PRUNE2: variants seen among roughly 807,000 people sequenced by gnomAD.
PRUNE2 encodes prune homolog 2 with BCH domain, also known as protein prune homolog 2.
A neutral mutation model predicts 252.0 loss-of-function variants in PRUNE2; 164 were observed. The observed-to-expected ratio is 0.65, with a 90% confidence interval of 0.57 to 0.74. The LOEUF (loss-of-function observed/expected upper bound fraction) is 0.74, where lower values mean the gene tolerates loss of function less well. Among genes scored for constraint, PRUNE2 ranks in the 30% least tolerant of loss-of-function variants. The pLI is 0.00. For synonymous variants in PRUNE2, 1,292 were observed against 1,350.2 expected, an observed-to-expected ratio of 0.96 and a Z score of 0.94; for missense variants, 3,495 against 3,711.0, an observed-to-expected ratio of 0.94 and a Z score of 1.51.
In PRUNE2 at chr9:76,612,806, C is replaced by T. The variant is rs539271219; in HGVS notation, c.*1764G>A. On this transcript the variant is annotated 3_prime_UTR_variant, in exon 19 of 19. Coordinates refer to ENST00000376718, the MANE Select transcript of PRUNE2 (RefSeq NM_015225.3). ...AGGTGAAGCAATGAGGTCAGAGAAACTCAATCACCTGTGCAAAGATGTCGA... is the reference window on the plus strand; with the variant it reads ...AGGTGAAGCAATGAGGTCAGAGAAATTCAATCACCTGTGCAAAGATGTCGA... 2 of 152,270 alleles carry T rather than the reference C, an allele frequency of 1.3e-5. No homozygotes were observed. Among genetic ancestry groups the T allele is most frequent in the Non-Finnish European group, 2.9e-5 (2 of 68,096 alleles). 9.4% of individuals were successfully genotyped at this position (152,270 alleles called of 1,614,324 possible).
At chr9:76,897,773 G>A (rs2062930570) in intron 1 of PRUNE2, among the ~76,000 whole-genome samples, 1 of 152,052 alleles carries the variant, frequency 6.6e-6, no homozygotes, top group African/African-American at 2.4e-5. Flanking sequence ...AAGGAGATTA[G>A]TACCTACCTT....
At chr9:76,645,181 G>T in intron 11 of PRUNE2, 1 of 331,562 alleles carries the variant, frequency 3.0e-6, no homozygotes, top group Non-Finnish European at 5.5e-6. Context: ...GGGGAGACTA[G>T]GTGCAAAACT....
chr9:76,821,985 A>G (rs186398914), intron 6 of PRUNE2, among the ~76,000 whole-genome samples: 2 of 152,330 alleles, frequency 1.3e-5, no homozygotes, highest in Admixed American at 6.5e-5. Flanking sequence ...TTAAAACCTA[A>G]TAAGATGCCA....
At chr9:76,811,323 T>C (rs374786580) in intron 6 of PRUNE2, among the ~76,000 whole-genome samples, 55 of 152,362 alleles carry the variant, frequency 3.6e-4, no homozygotes, top group Admixed American at 1.1e-3. Context: ...GTGTCACATA[T>C]ATTTTGTAAA....
chr9:76,864,478 TAAAC>T (rs944458406), intron 1 of PRUNE2, among the ~76,000 whole-genome samples: 69 of 152,072 alleles, frequency 4.5e-4, no homozygotes, highest in Non-Finnish European at 6.3e-4. Context: ...TATAAATAAA[TAAAC>T]AAATAAATAA....
intron 9 of PRUNE2, among the ~76,000 whole-genome samples, chr9:76,669,949 C>T (rs1441179775): frequency 6.6e-6 from 1 of 152,172 alleles, no homozygotes; most frequent in Non-Finnish European, 1.5e-5. Context: ...GCTTCTTGCC[C>T]TCTCTCTCTT....
chr9:76,905,615 C>T (rs1412958680), intron 1 of PRUNE2, among the ~76,000 whole-genome samples: 1 of 152,128 alleles, frequency 6.6e-6, no homozygotes, highest in Admixed American at 6.5e-5. Flanking sequence ...AAGACCACAC[C>T]CATTTATCCC....
chr9:76,697,411 G>T (rs1414091993), intron 9 of PRUNE2, among the ~76,000 whole-genome samples: 1 of 152,070 alleles, frequency 6.6e-6, no homozygotes, highest in African/African-American at 2.4e-5. Context: ...CTTCCCTCTG[G>T]CCTCCAACCA....
intron 1 of PRUNE2, among the ~76,000 whole-genome samples, chr9:76,886,141 G>A (rs566020098): frequency 3.7e-4 from 56 of 150,634 alleles, no homozygotes; most frequent in Middle Eastern, 6.9e-3. Context: ...ACCTGAGATC[G>A]TGCCACTGCA....
At chr9:76,769,199 C>T (rs941759115) in intron 6 of PRUNE2, among the ~76,000 whole-genome samples, 7 of 152,216 alleles carry the variant, frequency 4.6e-5, no homozygotes, top group African/African-American at 1.4e-4. Context: ...CTCTTCAGAT[C>T]GTATAAATCT....
At chr9:76,817,663 G>C (rs974913099) in intron 6 of PRUNE2, 1 of 152,152 alleles carries the variant, frequency 6.6e-6, no homozygotes, top group Non-Finnish European at 1.5e-5. Flanking sequence ...CCACCTGACT[G>C]GGAACACCAA....
At chr9:76,645,064 G>C in intron 11 of PRUNE2, 155 bp from the exon 12 acceptor site, 3 of 653,102 alleles carry the variant, frequency 4.6e-6, no homozygotes, top group Non-Finnish European at 7.9e-6. Flanking sequence ...TCCTTGTTTT[G>C]TACAGCCTTT....
chr9:76,830,841 T>C (rs981013532), intron 4 of PRUNE2, among the ~76,000 whole-genome samples: 3 of 151,710 alleles, frequency 2.0e-5, no homozygotes, highest in East Asian at 1.9e-4. Flanking sequence ...TCAACTAAAA[T>C]GATGAAAGTC....
At chr9:76,640,303 A>G (rs1842022593) in intron 12 of PRUNE2, among the ~76,000 whole-genome samples, 1 of 152,214 alleles carries the variant, frequency 6.6e-6, no homozygotes, top group Non-Finnish European at 1.5e-5. Context: ...CAGTTTAATA[A>G]GATGTTTTCT....
chr9:76,809,782 C>T (rs531171848), intron 6 of PRUNE2, among the ~76,000 whole-genome samples: 2 of 152,120 alleles, frequency 1.3e-5, no homozygotes, highest in African/African-American at 4.8e-5. Context: ...TAAATTCATA[C>T]ATATAAAAAA....
At chr9:76,886,863 C>T (rs1277576490) in intron 1 of PRUNE2, among the ~76,000 whole-genome samples, 1 of 152,090 alleles carries the variant, frequency 6.6e-6, no homozygotes, top group Non-Finnish European at 1.5e-5. Context: ...ATCTGATTAT[C>T]TATTGACTCT....
intron 1 of PRUNE2, among the ~76,000 whole-genome samples, chr9:76,867,828 T>A (rs967753954): frequency 3.9e-5 from 6 of 152,060 alleles, no homozygotes; most frequent in Non-Finnish European, 5.9e-5. Flanking sequence ...ACCTCGGCCT[T>A]CCAAAGTGCT....
intron 16 of PRUNE2, among the ~76,000 whole-genome samples, chr9:76,625,825 T>C (rs551311201): frequency 2.0e-5 from 3 of 152,314 alleles, no homozygotes; most frequent in East Asian, 1.9e-4. Context: ...AGTGCCTTTT[T>C]TTCCGCTCAT....
At chr9:76,761,535 C>T (rs959916534) in intron 6 of PRUNE2, among the ~76,000 whole-genome samples, 4 of 152,160 alleles carry the variant, frequency 2.6e-5, no homozygotes, top group African/African-American at 7.2e-5. Flanking sequence ...GAACTGGATA[C>T]AATTTTATCT....
Sources: gnomAD v4.1 joint callset for allele counts (sites outside exome capture counted in the v4.1 genomes callset) on GRCh38, gnomAD v4.1.1 for gene constraint, MANE v1.5 for transcripts, NCBI Gene and HGNC (gene_info 2026-07-23, HGNC 2026-07-21) for gene names.